Variants in CEACAM5 observed in about 807,000 individuals in gnomAD.
CEACAM5 encodes the protein cell adhesion molecule CEACAM5.
A neutral mutation model predicts 63.0 loss-of-function variants in CEACAM5; 52 were observed. The observed-to-expected ratio is 0.83, with a 90% confidence interval of 0.66 to 1.04. The LOEUF (loss-of-function observed/expected upper bound fraction) is 1.04. CEACAM5 is among the 50% of genes least tolerant of loss of function. CEACAM5 has a pLI of 0.00. For missense variants in CEACAM5, 790 were observed against 864.8 expected (o/e 0.91, Z 1.08); for synonymous variants, 357 against 351.3 (o/e 1.02, Z -0.18).
chr19:41,719,750 G>A (rs377492515), intron 6 of CEACAM5, among the ~76,000 whole-genome samples, 180 bp from the exon 7 acceptor site: 17 of 152,266 alleles, frequency 1.1e-4, no homozygotes, highest in African/African-American at 2.2e-4. Context: ...CAAAGCAGCC[G>A]GCCTTACAGT....
rs782357730 is a variant in CEACAM5, at chr19:41,709,903, T to C, written c.288T>C (p.Ser96=). 1.4e-5 allele frequency: 23 copies of C among 1,613,910 alleles called. No individual in the cohort carries two copies. In the African/African-American group the frequency reaches 2.9e-4, roughly 21 times the overall value. The part of the protein sequence containing the change: ...TQQATPGPAY[S]GREIIYPNAS... ...AAGCTACCCCAGGGCCCGCATACAG[T>C]GGTCGAGAGATAATATACCCCAATG... Residue 96 remains serine, a synonymous_variant, in exon 2 of 10, where the codon AGT becomes AGC. Transcript: ENST00000221992.
intron 2 of CEACAM5, 190 bp downstream of exon 2, chr19:41,710,229 A>T: frequency 4.3e-6 from 4 of 928,662 alleles, no homozygotes; most frequent in Non-Finnish European, 6.5e-6. Flanking sequence ...CGGCATCCAG[A>T]CCCTGCAGAC....
chr19:41,722,117 GC>G lies in CEACAM5; in HGVS notation c.2026+944del, dbSNP rs1435680447. ...AGCATAAATATCAATCAAGTATATT[GC>G]CCGGTGTGGTGGCTCATCCCTGTAA... On this transcript the variant is annotated intron_variant, in intron 8 of 9. Transcript: ENST00000221992. Among the ~76,000 whole-genome samples the G allele has an allele frequency of 2.0e-5, 3 of 152,066 alleles. 1 individual carries two copies. The highest frequency in any genetic ancestry group is 6.5e-5 in the Admixed American group (1 of 15,272).
At chr19:41,711,134 C>G (rs782594265) in intron 2 of CEACAM5, among the ~76,000 whole-genome samples, 1 of 152,244 alleles carries the variant, frequency 6.6e-6, no homozygotes, top group Non-Finnish European at 1.5e-5. Context: ...ATCCACAGCT[C>G]AGAAGCGGAG....
At chr19:41,717,780 C>G (rs1472879467) in intron 5 of CEACAM5, 47 bp downstream of exon 5, 1 of 1,599,760 alleles carries the variant, frequency 6.3e-7, no homozygotes, top group African/African-American at 1.3e-5. Context: ...AGCCCAAATC[C>G]ACATAGCCAA....
At chr19:41,723,754 T>C (rs1432146400) in intron 8 of CEACAM5, among the ~76,000 whole-genome samples, 16 of 152,010 alleles carry the variant, frequency 1.1e-4, no homozygotes, top group Non-Finnish European at 5.9e-5. Flanking sequence ...AAGACCATCC[T>C]GGCTAACACA....
chr19:41,714,433 GT>G (rs1237110269), intron 2 of CEACAM5, among the ~76,000 whole-genome samples: 9 of 152,188 alleles, frequency 5.9e-5, no homozygotes, highest in African/African-American at 2.2e-4. Context: ...TGCCTCTGGT[GT>G]CCCCTGTGTT....
chr19:41,725,595 C>T (rs1293873922), intron 8 of CEACAM5, among the ~76,000 whole-genome samples: 2 of 152,032 alleles, frequency 1.3e-5, no homozygotes, highest in Non-Finnish European at 2.9e-5. Context: ...CTGGTCTTGA[C>T]CTCCTGACCT....
Position 41,718,363 on chromosome 19 carries a change from C to A in CEACAM5, c.1473C>A (p.Val491=), listed in dbSNP as rs372746417. Residue 491 remains valine (V), a synonymous_variant, in exon 6 of 10, where the codon GTC becomes GTA. Transcript: ENST00000221992. ...NSASGHSRTT[V]KTITVSAELP... ...CCAGTGGCCACAGCAGGACTACAGT[C>A]AAGACAATCACAGTCTCTGGTAAGT... The A allele has an allele frequency of 4.7e-5, 76 of 1,614,060 alleles. No individual in the cohort carries two copies. The highest frequency in any genetic ancestry group is 6.2e-5 in the Non-Finnish European group (73 of 1,180,028).
In CEACAM5 at chr19:41,717,454, G is replaced by A; in HGVS notation, c.959-1G>A. ...CAATCTTCTCTCTGTTATCTGCACA[G>A]CAGAGCCACCCAAACCCTTCATCAC... On this transcript the variant is annotated splice_acceptor_variant, in intron 4 of 9. Coordinates refer to ENST00000221992, the MANE Select transcript of CEACAM5 (RefSeq NM_004363.6). LOFTEE classifies it high-confidence loss of function. The A allele has an allele frequency of 6.2e-7, 1 of 1,612,264 alleles. No homozygotes were observed. Among genetic ancestry groups the A allele is most frequent in the Non-Finnish European group, 8.5e-7 (1 of 1,178,930 alleles).
chr19:41,717,486 C>A lies in CEACAM5; in HGVS notation c.990C>A (p.Asn330Lys). Residue 330 changes from asparagine (N) to lysine (K), a missense_variant, in exon 5 of 10, where the codon AAC becomes AAA. Coordinates refer to ENST00000221992, the MANE Select transcript of CEACAM5 (RefSeq NM_004363.6). ...CACCCAAACCCTTCATCACCAGCAACAACTCCAACCCCGTGGAGGATGAGG... is the reference window on the plus strand; with the variant it reads ...CACCCAAACCCTTCATCACCAGCAAAAACTCCAACCCCGTGGAGGATGAGG... Reference protein sequence around the residue: ...AEPPKPFITSNNSNPVEDEDA... With the variant: ...AEPPKPFITSKNSNPVEDEDA... 6.2e-7 allele frequency: 1 copy of A among 1,614,128 alleles called. No homozygotes were observed. Among genetic ancestry groups the A allele is most frequent in the Non-Finnish European group, 8.5e-7 (1 of 1,179,976 alleles).
chr19:41,724,756 T>C (rs1555816801), intron 8 of CEACAM5, among the ~76,000 whole-genome samples: 1 of 152,230 alleles, frequency 6.6e-6, no homozygotes, highest in African/African-American at 2.4e-5. Flanking sequence ...TTTCTTAATT[T>C]CCTTTTAGAT....
chr19:41,725,521 C>G (rs1248266294), intron 8 of CEACAM5, among the ~76,000 whole-genome samples: 2 of 152,030 alleles, frequency 1.3e-5, no homozygotes, highest in African/African-American at 4.8e-5. Flanking sequence ...AGACATGTGA[C>G]ACCAAGCCTG....
At chr19:41,711,318 C>A (rs180724975) in intron 2 of CEACAM5, among the ~76,000 whole-genome samples, 64 of 152,158 alleles carry the variant, frequency 4.2e-4, no homozygotes, top group Non-Finnish European at 2.9e-5. Context: ...GTCACTCCCA[C>A]GGAAGGATAA....
chr19:41,714,613 C>T (rs1215758537), intron 2 of CEACAM5, among the ~76,000 whole-genome samples: 1 of 152,198 alleles, frequency 6.6e-6, no homozygotes, highest in Admixed American at 6.5e-5. Context: ...AGGGACCCAG[C>T]ACTTGAATGT....
chr19:41,714,415 T>C (rs1156471294), intron 2 of CEACAM5, among the ~76,000 whole-genome samples: 1 of 152,144 alleles, frequency 6.6e-6, no homozygotes, highest in African/African-American at 2.4e-5. Flanking sequence ...TGAGCTGACC[T>C]CCAGGCTTGC....
At chr19:41,725,352 A>G (rs568665272) in intron 8 of CEACAM5, among the ~76,000 whole-genome samples, 12 of 138,008 alleles carry the variant, frequency 8.7e-5, no homozygotes, top group African/African-American at 2.4e-4. Context: ...CAATATCTCC[A>G]TTTTCTTTTT....
intron 5 of CEACAM5, 151 bp downstream of exon 5, chr19:41,717,884 C>T: frequency 9.1e-7 from 1 of 1,102,336 alleles, no homozygotes; most frequent in Non-Finnish European, 1.3e-6. Flanking sequence ...TCCATGCAGG[C>T]CCAGTCCTGA....
At chr19:41,720,801 A>T in intron 7 of CEACAM5, 121 bp from the exon 8 acceptor site, 3 of 1,352,626 alleles carry the variant, frequency 2.2e-6, no homozygotes, top group Non-Finnish European at 3.1e-6. Context: ...CACCCGGCCG[A>T]TTTGGACTTT....
Sources: allele counts gnomAD v4.1 joint callset (sites outside exome capture counted in the v4.1 genomes callset), GRCh38; gene constraint gnomAD v4.1.1; transcripts MANE v1.5; gene names NCBI Gene and HGNC (gene_info 2026-07-23, HGNC 2026-07-21).